Variants in FILIP1 observed in about 807,000 individuals in gnomAD.
The protein encoded by FILIP1 is filamin-A-interacting protein 1.
A neutral mutation model predicts 102.1 loss-of-function variants in FILIP1; 61 were observed. That is an observed-to-expected ratio of 0.60 (90% CI 0.49 to 0.74). The LOEUF (loss-of-function observed/expected upper bound fraction) is 0.74, where lower values mean the gene tolerates loss of function less well. Among genes scored for constraint, FILIP1 ranks in the 30% least tolerant of loss-of-function variants. The probability of loss-of-function intolerance (pLI) is 0.00; values close to 1 mark genes in which losing one functional copy is unlikely to be tolerated. For synonymous variants in FILIP1, 491 were observed against 526.9 expected, an observed-to-expected ratio of 0.93 and a Z score of 0.93; for missense variants, 1,314 against 1,441.2, an observed-to-expected ratio of 0.91 and a Z score of 1.43.
chr6:75,292,014 T>C (rs1305527450), exon 7 of FILIP1: 1 of 152,234 alleles, frequency 6.6e-6, no homozygotes, highest in Non-Finnish European at 1.5e-5. Flanking sequence ...ATTGGTTAAA[T>C]AATTTCAATG....
chr6:75,348,311 C>T (rs1395159218), intron 4 of FILIP1, among the ~76,000 whole-genome samples: 5 of 152,142 alleles, frequency 3.3e-5, no homozygotes, highest in East Asian at 1.9e-4. Flanking sequence ...ATGGACGAAA[C>T]CAAATATAGC....
chr6:75,437,070 A>G (rs1582504460), intron 1 of FILIP1, among the ~76,000 whole-genome samples: 1 of 152,200 alleles, frequency 6.6e-6, no homozygotes, highest in Non-Finnish European at 1.5e-5. Flanking sequence ...ACGGAATCAG[A>G]TTGGAAAAAC....
intron 1 of FILIP1, among the ~76,000 whole-genome samples, chr6:75,428,784 C>T (rs1164007549): frequency 6.6e-6 from 1 of 152,184 alleles, no homozygotes; most frequent in Non-Finnish European, 1.5e-5. Flanking sequence ...TGATGCCCAA[C>T]TGACCAAACC....
chr6:75,400,127 A>ACAAAT (rs1776602239), intron 2 of FILIP1, among the ~76,000 whole-genome samples: 1 of 152,140 alleles, frequency 6.6e-6, no homozygotes, highest in Non-Finnish European at 1.5e-5. Context: ...CAGGTAGAAA[A>ACAAAT]CAAATCCAGA....
chr6:75,406,073 C>T (rs1305093533), intron 2 of FILIP1, among the ~76,000 whole-genome samples: 3 of 152,120 alleles, frequency 2.0e-5, no homozygotes, highest in African/African-American at 4.8e-5. Flanking sequence ...AAAGAATGCC[C>T]TTTAGTCCTG....
chr6:75,377,280 T>C (rs1404635708), intron 2 of FILIP1, among the ~76,000 whole-genome samples: 1 of 152,220 alleles, frequency 6.6e-6, no homozygotes, highest in Non-Finnish European at 1.5e-5. Context: ...TGATTTGTGA[T>C]TTGTTAACTG....
intron 4 of FILIP1, among the ~76,000 whole-genome samples, chr6:75,331,200 C>T (rs548198153): frequency 3.3e-5 from 5 of 152,174 alleles, no homozygotes; most frequent in African/African-American, 7.2e-5. Context: ...TTGCTCAATA[C>T]GTAACTAGTA....
intron 3 of FILIP1, chr6:75,358,285 A>C (rs1295262814): frequency 6.6e-6 from 1 of 152,200 alleles, no homozygotes; most frequent in Non-Finnish European, 1.5e-5. Flanking sequence ...CTTAAAAGCA[A>C]ATATGAGGTC....
At chr6:75,418,121 C>T (rs1314725109) in intron 1 of FILIP1, among the ~76,000 whole-genome samples, 2 of 152,200 alleles carry the variant, frequency 1.3e-5, no homozygotes, top group Non-Finnish European at 2.9e-5. Context: ...TCACTTGAAC[C>T]TGGGAGACAG....
rs535959634 is a variant in FILIP1, at chr6:75,381,475, A to G, written c.277-18558T>C. 2.4e-4 allele frequency among the ~76,000 whole-genome samples: 36 copies of G among 152,092 alleles called. No individual in the cohort carries two copies. The South Asian group carries it at 7.3e-3, about 31-fold the overall frequency. Reference sequence around the variant, plus strand: ...GAACTCCTGACCTCGTTATCTGCCCACCTTGGCCTCCCAAAGTGCTGAGAT... The same window carrying G: ...GAACTCCTGACCTCGTTATCTGCCCGCCTTGGCCTCCCAAAGTGCTGAGAT... On this transcript the variant is annotated intron_variant, in intron 2 of 5. Coordinates refer to ENST00000237172, the MANE Select transcript of FILIP1 (RefSeq NM_015687.5).
At chr6:75,295,447 G>C (rs989902200) in exon 7 of FILIP1, 4 of 152,030 alleles carry the variant, frequency 2.6e-5, no homozygotes, top group African/African-American at 9.7e-5. Flanking sequence ...AAATATAGTT[G>C]TACTTTCTTT....
intron 3 of FILIP1, among the ~76,000 whole-genome samples, chr6:75,355,044 C>T (rs1774944164): frequency 1.3e-5 from 2 of 152,168 alleles, no homozygotes; most frequent in Non-Finnish European, 2.9e-5. Context: ...CCCGTAATCT[C>T]AGCACTTTGA....
chr6:75,463,906 G>A (rs1779093064), intron 1 of FILIP1, among the ~76,000 whole-genome samples: 1 of 152,176 alleles, frequency 6.6e-6, no homozygotes. Flanking sequence ...GGGTTAAAAG[G>A]AAGGTAGAGA....
At chr6:75,401,305 T>G (rs1397842908) in intron 2 of FILIP1, among the ~76,000 whole-genome samples, 2 of 152,198 alleles carry the variant, frequency 1.3e-5, no homozygotes, top group Non-Finnish European at 2.9e-5. Context: ...ACATCTTCAT[T>G]CTGATCGCCT....
intron 6 of FILIP1, among the ~76,000 whole-genome samples, chr6:75,299,017 A>C: frequency 6.6e-6 from 1 of 152,154 alleles, no homozygotes; most frequent in Admixed American, 6.5e-5. Context: ...CAAAAAAAAA[A>C]ATTAAATAAA....
At chr6:75,461,040 A>G (rs1779007811) in intron 1 of FILIP1, among the ~76,000 whole-genome samples, 1 of 152,138 alleles carries the variant, frequency 6.6e-6, no homozygotes, top group Non-Finnish European at 1.5e-5. Context: ...CTCCCTCTCT[A>G]TCTGACCTTT....
chr6:75,296,710 G>A (rs1216159733), intron 6 of FILIP1: 3 of 151,310 alleles, frequency 2.0e-5, no homozygotes, highest in Non-Finnish European at 4.4e-5. Context: ...GTGTCAGCCA[G>A]GATGGTCTCG....
chr6:75,381,663 T>C (rs532348745), intron 2 of FILIP1, among the ~76,000 whole-genome samples: 2 of 152,344 alleles, frequency 1.3e-5, no homozygotes, highest in East Asian at 1.9e-4. Context: ...TGCTTGTGTA[T>C]GTAGACATTT....
intron 4 of FILIP1, among the ~76,000 whole-genome samples, chr6:75,349,421 A>G (rs1404764748): frequency 6.6e-6 from 1 of 151,816 alleles, no homozygotes; most frequent in Non-Finnish European, 1.5e-5. Context: ...GAGTCTCACC[A>G]CCGGCGGGAG....
Sources: allele counts gnomAD v4.1 joint callset (sites outside exome capture counted in the v4.1 genomes callset), GRCh38; gene constraint gnomAD v4.1.1; transcripts MANE v1.5; gene names NCBI Gene and HGNC (gene_info 2026-07-23, HGNC 2026-07-21).